Variants in ANKRD44 observed in about 807,000 individuals in gnomAD.
ANKRD44 encodes the protein ankyrin repeat domain 44, also known as serine/threonine-protein phosphatase 6 regulatory ankyrin repeat subunit B.
ANKRD44 carries 35 observed loss-of-function variants against 116.0 expected under a neutral mutation model. That is an observed-to-expected ratio of 0.30 (90% CI 0.23 to 0.40). ANKRD44 has a LOEUF of 0.40. Among genes scored for constraint, ANKRD44 ranks in the 10% least tolerant of loss-of-function variants. The pLI is 1.00. For synonymous variants in ANKRD44, 435 were observed against 461.8 expected (o/e 0.94, Z 0.74); for missense variants, 1,014 against 1,242.6 (o/e 0.82, Z 2.77).
intron 1 of ANKRD44, chr2:197,263,042 C>T (rs986887287): frequency 9.5e-6 from 3 of 315,606 alleles, no homozygotes; most frequent in Non-Finnish European, 1.8e-5. Flanking sequence ...AATAATGCCT[C>T]TTTAAAAGGT....
chr2:197,146,999 T>G (rs1274597172), intron 3 of ANKRD44, 28 bp downstream of exon 3: 2 of 1,602,692 alleles, frequency 1.2e-6, no homozygotes, highest in Admixed American at 1.7e-5. Flanking sequence ...TTATTTGCAA[T>G]TGACTTTTGA....
chr2:197,298,896 G>A (rs2083808093), intron 1 of ANKRD44, among the ~76,000 whole-genome samples: 1 of 151,000 alleles, frequency 6.6e-6, no homozygotes, highest in Admixed American at 6.6e-5. Flanking sequence ...TAGCATGGGT[G>A]ACAGAGTGAG....
chr2:197,140,068 G>A (rs527434223), intron 3 of ANKRD44, among the ~76,000 whole-genome samples: 40 of 149,006 alleles, frequency 2.7e-4, no homozygotes, highest in Non-Finnish European at 5.2e-4. Context: ...TTTTAGTAGA[G>A]ACAAGGTTTT....
intron 17 of ANKRD44, chr2:197,015,809 G>A (rs2076381108): frequency 1.9e-6 from 1 of 515,910 alleles, no homozygotes; most frequent in Non-Finnish European, 3.6e-6. Flanking sequence ...GGGGGATATG[G>A]TGGTTACAAT....
intron 1 of ANKRD44, among the ~76,000 whole-genome samples, chr2:197,190,382 G>A (rs2080794398): frequency 6.6e-6 from 1 of 152,178 alleles, no homozygotes; most frequent in Non-Finnish European, 1.5e-5. Context: ...TAAGCATCAT[G>A]GGATTTCAAA....
chr2:197,083,259 G>A (rs1451104946), intron 14 of ANKRD44, 110 bp downstream of exon 14: 4 of 1,365,020 alleles, frequency 2.9e-6, no homozygotes, highest in East Asian at 2.4e-5. Flanking sequence ...TAACTCTTTT[G>A]GGTTAGTCTA....
At chr2:197,126,128 GGAGA>G in intron 4 of ANKRD44, 91 bp from the exon 5 acceptor site, 1 of 1,337,778 alleles carries the variant, frequency 7.5e-7, no homozygotes, top group African/African-American at 1.4e-5. Flanking sequence ...CTGGAACTAT[GGAGA>G]GAAAGGCTCC....
At chr2:197,278,274 T>C (rs901080995) in intron 1 of ANKRD44, among the ~76,000 whole-genome samples, 20 of 149,594 alleles carry the variant, frequency 1.3e-4, no homozygotes, top group African/African-American at 4.0e-4. Context: ...TAACAATGAA[T>C]AGAAATAAAG....
chr2:197,233,429 T>C (rs2081911201), intron 1 of ANKRD44, among the ~76,000 whole-genome samples: 1 of 152,158 alleles, frequency 6.6e-6, no homozygotes, highest in South Asian at 2.1e-4. Flanking sequence ...ATAATATTAT[T>C]AAGCAAATTA....
intron 4 of ANKRD44, among the ~76,000 whole-genome samples, chr2:197,131,471 G>A (rs1265090644): frequency 2.0e-5 from 3 of 152,184 alleles, no homozygotes; most frequent in African/African-American, 7.2e-5. Context: ...GATTACAGGC[G>A]TGAGCCACCG....
intron 16 of ANKRD44, among the ~76,000 whole-genome samples, chr2:197,064,798 C>G (rs1024076401): frequency 6.6e-6 from 1 of 152,120 alleles, no homozygotes; most frequent in Non-Finnish European, 1.5e-5. Context: ...CCCAGATTCA[C>G]AAAGCAAGTC....
At chr2:197,111,033 A>G (rs2078552990) in intron 8 of ANKRD44, among the ~76,000 whole-genome samples, 189 bp from the exon 9 acceptor site, 2 of 152,230 alleles carry the variant, frequency 1.3e-5, no homozygotes, top group Admixed American at 6.5e-5. Flanking sequence ...CCTGGGTGAC[A>G]GAATGACATT....
At chr2:197,298,351 C>T (rs1308929993) in intron 1 of ANKRD44, among the ~76,000 whole-genome samples, 1 of 152,190 alleles carries the variant, frequency 6.6e-6, no homozygotes, top group African/African-American at 2.4e-5. Context: ...GATTCTAAGA[C>T]CAATGCTCAA....
intron 10 of ANKRD44, among the ~76,000 whole-genome samples, chr2:197,092,831 C>T (rs1022296907): frequency 6.8e-6 from 1 of 146,306 alleles, no homozygotes; most frequent in Non-Finnish European, 1.5e-5. Flanking sequence ...ATATTGTTCC[C>T]TCTTGATTCA....
chr2:197,205,314 T>C (rs1318458678), intron 1 of ANKRD44, among the ~76,000 whole-genome samples: 1 of 152,140 alleles, frequency 6.6e-6, no homozygotes, highest in African/African-American at 2.4e-5. Context: ...GATCCATGGT[T>C]TTACCCACCT....
intron 1 of ANKRD44, among the ~76,000 whole-genome samples, chr2:197,301,631 AGT>A (rs1233497781): frequency 6.6e-6 from 1 of 152,238 alleles, no homozygotes; most frequent in African/African-American, 2.4e-5. Flanking sequence ...TGTTTATAGA[AGT>A]GTTTCTCTTT....
At chr2:197,195,642 T>A (rs974843001) in intron 1 of ANKRD44, among the ~76,000 whole-genome samples, 1 of 152,226 alleles carries the variant, frequency 6.6e-6, no homozygotes, top group Non-Finnish European at 1.5e-5. Flanking sequence ...GAAACACTAA[T>A]GTTTCCAGGT....
intron 16 of ANKRD44, among the ~76,000 whole-genome samples, chr2:197,077,254 T>A (rs2077689920): frequency 6.6e-6 from 1 of 152,214 alleles, no homozygotes; most frequent in African/African-American, 2.4e-5. Context: ...TCTCTAATGA[T>A]CAGTGATGCT....
intron 16 of ANKRD44, among the ~76,000 whole-genome samples, chr2:197,060,080 A>C (rs2077278810): frequency 6.6e-6 from 1 of 152,234 alleles, no homozygotes; most frequent in African/African-American, 2.4e-5. Flanking sequence ...ACAGCGTGTC[A>C]CCTGTACCTC....
Sources: gnomAD v4.1 joint callset for allele counts (sites outside exome capture counted in the v4.1 genomes callset) on GRCh38, gnomAD v4.1.1 for gene constraint, MANE v1.5 for transcripts, NCBI Gene and HGNC (gene_info 2026-07-23, HGNC 2026-07-21) for gene names.